Variants in POFUT3 observed in about 807,000 individuals in gnomAD.
POFUT3 encodes GDP-fucose protein O-fucosyltransferase 3.
chr8:33,418,889 G>A, the POFUT3 span, among the ~76,000 whole-genome samples: 96,042 of 152,102 alleles, frequency 0.63, 31,364 homozygotes, highest in Non-Finnish European at 0.71. Context: ...AATACTATTC[G>A]GCCATTAAAA....
chr8:33,402,961 T>C, the POFUT3 span, among the ~76,000 whole-genome samples: 38 of 151,762 alleles, frequency 2.5e-4, no homozygotes, highest in Non-Finnish European at 4.7e-4. Context: ...CTCAGGAGGC[T>C]GTGGTGGAAG....
At chr8:33,418,796 A>G in the POFUT3 span, among the ~76,000 whole-genome samples, 1 of 152,212 alleles carries the variant, frequency 6.6e-6, no homozygotes, top group Non-Finnish European at 1.5e-5. Context: ...CTGCAGCACT[A>G]TTCATAATAG....
At chr8:33,382,091 G>A in the POFUT3 span, among the ~76,000 whole-genome samples, 6 of 152,184 alleles carry the variant, frequency 3.9e-5, no homozygotes, top group African/African-American at 1.2e-4. Flanking sequence ...TAAGGACTTC[G>A]AGACCAGCCT....
At chr8:33,461,311 G>A in the POFUT3 span, 21 of 1,517,418 alleles carry the variant, frequency 1.4e-5, no homozygotes, top group South Asian at 2.2e-4. Flanking sequence ...GAGAAAATAG[G>A]GGGTAGGGGG....
chr8:33,336,878 G>A, the POFUT3 span, among the ~76,000 whole-genome samples: 1 of 152,118 alleles, frequency 6.6e-6, no homozygotes, highest in Non-Finnish European at 1.5e-5. Context: ...AGACAGGGAG[G>A]GAAGAGAGAA....
the POFUT3 span, chr8:33,461,760 G>A: frequency 2.3e-6 from 2 of 861,622 alleles, no homozygotes; most frequent in Middle Eastern, 2.8e-4. Flanking sequence ...CCATAGCGCA[G>A]ATTTAATAAA....
At chr8:33,414,070 C>G in the POFUT3 span, among the ~76,000 whole-genome samples, 5 of 152,128 alleles carry the variant, frequency 3.3e-5, no homozygotes, top group Admixed American at 1.3e-4. Context: ...GGCTTCTTAT[C>G]TGACTAAGGA....
chr8:33,454,749 C>A, the POFUT3 span, among the ~76,000 whole-genome samples: 1 of 150,598 alleles, frequency 6.6e-6, no homozygotes, highest in Non-Finnish European at 1.5e-5. Context: ...TTACTGCAAA[C>A]TCCGCCTCCC....
the POFUT3 span, among the ~76,000 whole-genome samples, chr8:33,331,013 T>A: frequency 3.0e-3 from 450 of 152,172 alleles, 5 homozygotes; most frequent in African/African-American, 0.01. Flanking sequence ...TGTAGACATA[T>A]AACAAATATT....
chr8:33,421,501 G>A, the POFUT3 span, among the ~76,000 whole-genome samples: 1 of 152,098 alleles, frequency 6.6e-6, no homozygotes, highest in African/African-American at 2.4e-5. Context: ...GGATTCAAAA[G>A]GTTTTAATGG....
At chr8:33,355,949 A>G in the POFUT3 span, among the ~76,000 whole-genome samples, 6 of 152,208 alleles carry the variant, frequency 3.9e-5, no homozygotes, top group Middle Eastern at 3.4e-3. Context: ...GCGATAGTTT[A>G]CTGAGAATGA....
the POFUT3 span, among the ~76,000 whole-genome samples, chr8:33,456,801 G>A: frequency 5.8e-5 from 8 of 138,518 alleles, no homozygotes; most frequent in South Asian, 4.5e-4. Context: ...ACAGAGTCTC[G>A]CTCTGTCACC....
chr8:33,312,471 C>T, the POFUT3 span, among the ~76,000 whole-genome samples: 1 of 152,024 alleles, frequency 6.6e-6, no homozygotes, highest in African/African-American at 2.4e-5. Context: ...GTCTCACCAC[C>T]TTCCACATCC....
At chr8:33,389,101 C>G in the POFUT3 span, 1 of 1,614,206 alleles carries the variant, frequency 6.2e-7, no homozygotes, top group Non-Finnish European at 8.5e-7. Context: ...GGTTAGAGAT[C>G]TCACCCTTCA....
At chr8:33,333,576 C>G in the POFUT3 span, among the ~76,000 whole-genome samples, 1 of 151,914 alleles carries the variant, frequency 6.6e-6, no homozygotes, top group Non-Finnish European at 1.5e-5. Flanking sequence ...GAGCTGGGAC[C>G]AGGGGTAGAG....
the POFUT3 span, among the ~76,000 whole-genome samples, chr8:33,448,824 C>T: frequency 2.0e-5 from 3 of 151,986 alleles, no homozygotes; most frequent in African/African-American, 4.8e-5. Context: ...ATCCCAGCTA[C>T]TCAGGAGACT....
the POFUT3 span, among the ~76,000 whole-genome samples, chr8:33,420,022 C>T: frequency 1.3e-5 from 2 of 151,880 alleles, no homozygotes; most frequent in Non-Finnish European, 2.9e-5. Flanking sequence ...CAGCCTCTCT[C>T]GAGGCTGAGG....
At chr8:33,351,099 T>C in the POFUT3 span, among the ~76,000 whole-genome samples, 1 of 151,962 alleles carries the variant, frequency 6.6e-6, no homozygotes, top group Non-Finnish European at 1.5e-5. Context: ...GGATTACAGG[T>C]GTGCACCGCC....
chr8:33,311,509 A>G, the POFUT3 span, among the ~76,000 whole-genome samples: 2 of 152,202 alleles, frequency 1.3e-5, no homozygotes, highest in African/African-American at 4.8e-5. Context: ...CATCAAATAC[A>G]ATCCCACTGT....
Sources: allele counts gnomAD v4.1 joint callset (sites outside exome capture counted in the v4.1 genomes callset), GRCh38; gene constraint gnomAD v4.1.1; transcripts MANE v1.5; gene names NCBI Gene and HGNC (gene_info 2026-07-23, HGNC 2026-07-21).